The following OSBPL10 variants were observed in gnomAD, a reference collection of about 807,000 sequenced individuals.
The protein encoded by OSBPL10 is oxysterol binding protein like 10, also known as oxysterol-binding protein-related protein 10.
Under a neutral mutation model 81.7 loss-of-function variants are expected in OSBPL10, and 49 were observed. The observed-to-expected ratio is 0.60, with a 90% confidence interval of 0.48 to 0.76. The LOEUF (loss-of-function observed/expected upper bound fraction) is 0.76. Among genes scored for constraint, OSBPL10 ranks in the 30% least tolerant of loss-of-function variants. The probability of loss-of-function intolerance (pLI) is 0.00; values close to 1 mark genes in which losing one functional copy is unlikely to be tolerated. For synonymous variants in OSBPL10, 419 were observed against 383.6 expected (o/e 1.09, Z -1.08); for missense variants, 923 against 987.8 (o/e 0.93, Z 0.88).
intron 1 of OSBPL10, among the ~76,000 whole-genome samples, chr3:31,888,479 A>G (rs1695801996): frequency 6.6e-6 from 1 of 152,262 alleles, no homozygotes; most frequent in Non-Finnish European, 1.5e-5. Context: ...ATGTGATCAC[A>G]TCAAGCTATA....
chr3:31,923,529 C>T (rs1370157857), intron 1 of OSBPL10, among the ~76,000 whole-genome samples: 2 of 152,162 alleles, frequency 1.3e-5, no homozygotes, highest in African/African-American at 4.8e-5. Flanking sequence ...GTGGCTCATC[C>T]CTGTAATCCC....
intron 1 of OSBPL10, among the ~76,000 whole-genome samples, chr3:31,913,116 C>G (rs1696638405): frequency 6.6e-6 from 1 of 152,120 alleles, no homozygotes; most frequent in African/African-American, 2.4e-5. Flanking sequence ...ATAATAGACT[C>G]TGTGCTTTTA....
intron 4 of OSBPL10, among the ~76,000 whole-genome samples, chr3:31,776,686 G>C (rs1347002762): frequency 6.6e-6 from 1 of 152,102 alleles, no homozygotes; most frequent in African/African-American, 2.4e-5. Flanking sequence ...AGTGAAAGGA[G>C]ACATAAAAAG....
At chr3:32,067,146 A>T (rs1444248978) in intron 1 of OSBPL10, among the ~76,000 whole-genome samples, 3 of 152,204 alleles carry the variant, frequency 2.0e-5, no homozygotes, top group Non-Finnish European at 2.9e-5. Context: ...TTTAAAAAAA[A>T]AATCTTCAGA....
At chr3:31,741,484 T>G (rs555238229) in intron 5 of OSBPL10, among the ~76,000 whole-genome samples, 2 of 152,300 alleles carry the variant, frequency 1.3e-5, no homozygotes, top group East Asian at 3.9e-4. Context: ...TGGATGATCT[T>G]GATCTCTTGA....
At chr3:31,846,952 G>A (rs1235769346) in intron 3 of OSBPL10, among the ~76,000 whole-genome samples, 8 of 151,934 alleles carry the variant, frequency 5.3e-5, no homozygotes, top group Admixed American at 2.6e-4. Context: ...TTGTTTGTAC[G>A]GACTTTTCTC....
At chr3:31,999,693 A>AT (rs777100397) in intron 2 of OSBPL10, among the ~76,000 whole-genome samples, 52 of 152,180 alleles carry the variant, frequency 3.4e-4, no homozygotes, top group Non-Finnish European at 6.2e-4. Flanking sequence ...TTTGCCATTC[A>AT]TAAGTTTTGC....
intron 2 of OSBPL10, among the ~76,000 whole-genome samples, chr3:31,878,878 GTTTCA>G (rs1291372012): frequency 2.7e-5 from 4 of 150,282 alleles, no homozygotes; most frequent in Admixed American, 6.7e-5. Flanking sequence ...TAGATTTGTT[GTTTCA>G]TTTCATTATT....
intron 1 of OSBPL10, among the ~76,000 whole-genome samples, chr3:31,950,050 C>T (rs553503141): frequency 2.8e-4 from 42 of 151,908 alleles, no homozygotes; most frequent in African/African-American, 9.2e-4. Flanking sequence ...CCAGGGTATC[C>T]GAAAAGGGCC....
chr3:31,946,269 T>C (rs1697700518), intron 1 of OSBPL10, among the ~76,000 whole-genome samples: 1 of 152,108 alleles, frequency 6.6e-6, no homozygotes, highest in South Asian at 2.1e-4. Flanking sequence ...CGTGAGCCAC[T>C]GCACCCAGCC....
rs10591808 is a variant in OSBPL10 at position 31,833,705 on chromosome 3, G to GCACACACA, written c.538-3482_538-3475dup. On this transcript the variant is annotated intron_variant, in intron 3 of 11. Transcript: ENST00000396556. ...GTAGGGAAAACACGCACACGCACAC[G>GCACACACA]CACACACACACACACACACACACAC... is the stretch of plus-strand genomic sequence containing the variant. Among the ~76,000 whole-genome samples the GCACACACA allele has an allele frequency of 6.4e-3, 882 of 138,018 alleles. 29 individuals carry two copies. In the East Asian group the frequency reaches 0.092, roughly 14 times the overall value. The allele number at this position is 138,018 out of a possible 152,430, so 90.5% of individuals were successfully genotyped here.
intron 6 of OSBPL10, among the ~76,000 whole-genome samples, chr3:31,720,913 G>C (rs979500196): frequency 1.3e-4 from 18 of 136,940 alleles, no homozygotes; most frequent in Non-Finnish European, 2.7e-4. Flanking sequence ...AAGGCCCAAA[G>C]ATGTCCAAGT....
At chr3:31,839,371 C>A (rs1700437889) in intron 3 of OSBPL10, among the ~76,000 whole-genome samples, 1 of 152,180 alleles carries the variant, frequency 6.6e-6, no homozygotes, top group Admixed American at 6.5e-5. Context: ...GTGCCAGGCA[C>A]TGCTCTCAGG....
intron 4 of OSBPL10, among the ~76,000 whole-genome samples, chr3:31,793,526 G>A (rs1019566607): frequency 1.3e-5 from 2 of 152,188 alleles, no homozygotes; most frequent in Non-Finnish European, 2.9e-5. Context: ...AAGGAGGATG[G>A]AAATTATGCT....
chr3:32,062,817 G>A (rs1247165971), intron 1 of OSBPL10, among the ~76,000 whole-genome samples: 1 of 94,366 alleles, frequency 1.1e-5, no homozygotes, highest in African/African-American at 2.7e-5. Context: ...TCCCCCAACA[G>A]GTTTTGCAAA....
chr3:31,872,086 T>G (rs1469256924), intron 3 of OSBPL10, among the ~76,000 whole-genome samples: 1 of 152,228 alleles, frequency 6.6e-6, no homozygotes, highest in African/African-American at 2.4e-5. Flanking sequence ...CTGTGTTCTA[T>G]TCTTCCTGGC....
chr3:31,928,639 G>T (rs1206079147), intron 1 of OSBPL10, among the ~76,000 whole-genome samples: 1 of 151,996 alleles, frequency 6.6e-6, no homozygotes, highest in African/African-American at 2.4e-5. Flanking sequence ...AGCCGGGCAT[G>T]GTGGTGCATG....
At chr3:31,846,546 C>T (rs557432006) in intron 3 of OSBPL10, among the ~76,000 whole-genome samples, 23 of 152,094 alleles carry the variant, frequency 1.5e-4, no homozygotes, top group African/African-American at 5.1e-4. Flanking sequence ...GCTGAGGAAT[C>T]GCTTGAACCT....
At chr3:31,731,429 GTTC>G (rs1165664769) in intron 6 of OSBPL10, among the ~76,000 whole-genome samples, 3 of 151,716 alleles carry the variant, frequency 2.0e-5, no homozygotes, top group East Asian at 3.9e-4. Flanking sequence ...GCTCTGGCTA[GTTC>G]TTCTTCTTCA....
Sources: allele counts gnomAD v4.1 joint callset (sites outside exome capture counted in the v4.1 genomes callset), GRCh38; gene constraint gnomAD v4.1.1; transcripts MANE v1.5; gene names NCBI Gene and HGNC (gene_info 2026-07-23, HGNC 2026-07-21).